The following GPC5 variants were observed in gnomAD, a reference collection of about 807,000 sequenced individuals.
The protein encoded by GPC5 is glypican-5.
GPC5 carries 47 observed loss-of-function variants against 53.9 expected under a neutral mutation model. The observed-to-expected ratio is 0.87, with a 90% confidence interval of 0.69 to 1.11. GPC5 has a LOEUF of 1.11. GPC5 is among the 50% of genes most tolerant of loss of function. The pLI, the probability that GPC5 is intolerant of heterozygous loss-of-function variation, is 0.00. For missense variants in GPC5, 748 were observed against 713.1 expected, an observed-to-expected ratio of 1.05 and a Z score of -0.56; for synonymous variants, 286 against 263.3, an observed-to-expected ratio of 1.09 and a Z score of -0.84.
chr13:91,497,398 G>A (rs967458711), intron 2 of GPC5, among the ~76,000 whole-genome samples: 1 of 151,882 alleles, frequency 6.6e-6, no homozygotes, highest in Admixed American at 6.6e-5. Flanking sequence ...TTCCTGTACT[G>A]TTCTCTAAAT....
At chr13:92,480,606 A>G (rs140536949) in intron 7 of GPC5, among the ~76,000 whole-genome samples, 1 of 152,152 alleles carries the variant, frequency 6.6e-6, no homozygotes, top group Admixed American at 6.5e-5. Context: ...TTCTAGTCTC[A>G]TGGTCGCAAG....
intron 5 of GPC5, among the ~76,000 whole-genome samples, chr13:91,775,526 T>C (rs1017289355): frequency 8.5e-5 from 13 of 152,330 alleles, no homozygotes; most frequent in African/African-American, 2.6e-4. Context: ...ACCTCTATAT[T>C]TCTCTTTTTT....
intron 7 of GPC5, among the ~76,000 whole-genome samples, chr13:92,457,984 G>A (rs1878337069): frequency 6.6e-6 from 1 of 152,096 alleles, no homozygotes; most frequent in Admixed American, 6.6e-5. Context: ...TTGCTAAATT[G>A]AGGTAATCAA....
At chr13:91,582,223 C>T (rs932751256) in intron 2 of GPC5, among the ~76,000 whole-genome samples, 1 of 152,162 alleles carries the variant, frequency 6.6e-6, no homozygotes, top group Non-Finnish European at 1.5e-5. Flanking sequence ...TAAAGTGTTT[C>T]TCCTTGGAAT....
intron 7 of GPC5, among the ~76,000 whole-genome samples, chr13:92,755,002 T>A (rs1381284502): frequency 1.3e-5 from 2 of 152,072 alleles, no homozygotes; most frequent in Admixed American, 6.6e-5. Flanking sequence ...TACAGAACTC[T>A]CCACCCCAAA....
intron 7 of GPC5, among the ~76,000 whole-genome samples, chr13:92,839,670 T>C (rs553162019): frequency 1.1e-4 from 17 of 152,200 alleles, no homozygotes; most frequent in Admixed American, 2.0e-4. Context: ...CCATGGTGTA[T>C]ATGTACCACA....
At chr13:92,813,102 A>AT (rs1431097507) in intron 7 of GPC5, among the ~76,000 whole-genome samples, 10 of 152,018 alleles carry the variant, frequency 6.6e-5, no homozygotes. Flanking sequence ...ATATTGTTAT[A>AT]TTTTAAATAA....
chr13:91,955,708 A>G (rs546054990), intron 6 of GPC5, among the ~76,000 whole-genome samples: 13 of 152,344 alleles, frequency 8.5e-5, no homozygotes, highest in Admixed American at 8.5e-4. Flanking sequence ...GCATTCCTCC[A>G]GAGGAGCATA....
intron 7 of GPC5, among the ~76,000 whole-genome samples, chr13:92,682,750 C>T (rs1887147387): frequency 6.6e-6 from 1 of 152,114 alleles, no homozygotes; most frequent in Non-Finnish European, 1.5e-5. Context: ...ATTGTACCTA[C>T]AAAATTTTAT....
intron 5 of GPC5, among the ~76,000 whole-genome samples, chr13:91,807,552 C>T (rs1207316730): frequency 6.6e-6 from 1 of 152,034 alleles, no homozygotes; most frequent in Non-Finnish European, 1.5e-5. Flanking sequence ...TTATTTTTAC[C>T]TCTGATTGCT....
intron 7 of GPC5, among the ~76,000 whole-genome samples, chr13:92,765,542 G>T (rs541104883): frequency 1.3e-5 from 2 of 152,136 alleles, no homozygotes; most frequent in African/African-American, 4.8e-5. Context: ...GTGACATAAC[G>T]TATTGGCCCC....
intron 5 of GPC5, among the ~76,000 whole-genome samples, chr13:91,796,134 G>A (rs1456392405): frequency 6.6e-6 from 1 of 152,076 alleles, no homozygotes; most frequent in Non-Finnish European, 1.5e-5. Context: ...GGGGCCATGT[G>A]GTGAGTGTTA....
At chr13:92,523,193 G>A (rs903407944) in intron 7 of GPC5, among the ~76,000 whole-genome samples, 2 of 152,184 alleles carry the variant, frequency 1.3e-5, no homozygotes, top group Admixed American at 1.3e-4. Flanking sequence ...CTTGTACTCA[G>A]ATATTCACTA....
intron 7 of GPC5, among the ~76,000 whole-genome samples, chr13:92,368,415 A>G (rs914377684): frequency 5.3e-5 from 8 of 151,386 alleles, no homozygotes; most frequent in African/African-American, 1.9e-4. Context: ...AGGCTGAGGC[A>G]GAAGGATCAC....
intron 7 of GPC5, among the ~76,000 whole-genome samples, chr13:92,600,673 T>TTC (rs1884020661): frequency 6.7e-6 from 1 of 149,674 alleles, no homozygotes; most frequent in Non-Finnish European, 1.5e-5. Flanking sequence ...ATTTTTTTTT[T>TTC]TTTTTGCATT....
chr13:92,715,620 C>G (rs1309636067), intron 7 of GPC5, among the ~76,000 whole-genome samples: 1 of 152,132 alleles, frequency 6.6e-6, no homozygotes, highest in Non-Finnish European at 1.5e-5. Flanking sequence ...GATGTTTATA[C>G]TTACTTTGGA....
In GPC5 at chr13:92,159,822, T is replaced by C. The variant is rs371045427; in HGVS notation, c.1561+14833T>C. On this transcript the variant is annotated intron_variant, in intron 7 of 7. Coordinates refer to ENST00000377067, the MANE Select transcript of GPC5 (RefSeq NM_004466.6). The stretch of plus-strand genomic sequence containing the variant: ...TTTCACTGTGTTAGCCAGGATAGTC[T>C]CGATCTCCTGACCTCGTGATCTGCC... Among the ~76,000 whole-genome samples the C allele has an allele frequency of 4.6e-5, 7 of 151,968 alleles. No homozygotes were observed. The South Asian group carries it at 1.0e-3, about 23-fold the overall frequency.
At chr13:91,611,782 C>T (rs370729569) in intron 2 of GPC5, among the ~76,000 whole-genome samples, 12 of 152,218 alleles carry the variant, frequency 7.9e-5, no homozygotes, top group African/African-American at 2.9e-4. Context: ...GCAATCCTGA[C>T]ACCCATCACC....
chr13:92,325,553 G>C (rs2043245179), intron 7 of GPC5, among the ~76,000 whole-genome samples: 1 of 152,026 alleles, frequency 6.6e-6, no homozygotes, highest in African/African-American at 2.4e-5. Context: ...ATATCAAGAG[G>C]AGAAACAGAG....
Sources: allele counts gnomAD v4.1 joint callset (sites outside exome capture counted in the v4.1 genomes callset), GRCh38; gene constraint gnomAD v4.1.1; transcripts MANE v1.5; gene names NCBI Gene and HGNC (gene_info 2026-07-23, HGNC 2026-07-21).